KDM2A: variants seen among roughly 807,000 people sequenced by gnomAD.
KDM2A encodes the protein lysine demethylase 2A.
In KDM2A, 3 loss-of-function variants were observed where a neutral mutation model predicts 137.3. The ratio of observed to expected loss-of-function variants is 0.02; its 90% CI spans 0.01 to 0.06. The LOEUF is 0.06. Among genes scored for constraint, KDM2A ranks in the 10% least tolerant of loss-of-function variants. KDM2A has a pLI of 1.00. For synonymous variants in KDM2A, 512 were observed against 541.5 expected, an observed-to-expected ratio of 0.95 and a Z score of 0.76; for missense variants, 738 against 1,510.6, an observed-to-expected ratio of 0.49 and a Z score of 8.48.
At chr11:67,165,188 C>T (rs1226544812) in intron 2 of KDM2A, among the ~76,000 whole-genome samples, 1 of 151,752 alleles carries the variant, frequency 6.6e-6, no homozygotes, top group African/African-American at 2.4e-5. Context: ...GTGGCGCGAT[C>T]TTGGCTCACC....
Position 67,240,751 on chromosome 11 carries a change from T to G in KDM2A, c.1480-2258T>G, listed in dbSNP as rs116954528. Among the ~76,000 whole-genome samples, 797 of 152,260 alleles carry G rather than the reference T, an allele frequency of 5.2e-3. 4 individuals are homozygous for G. The highest frequency in any genetic ancestry group is 7.3e-3 in the Non-Finnish European group (498 of 68,002). The stretch of plus-strand genomic sequence containing the variant: ...CCCCCTCTAGTGAAGGGTGGTGGCT[T>G]CTTTATATGGTTTCTTGTAGGGCCT... On this transcript the variant is annotated intron_variant, in intron 12 of 20. Coordinates refer to ENST00000529006, the MANE Select transcript of KDM2A (RefSeq NM_012308.3).
At chr11:67,205,879 C>T (rs1279699850) in intron 5 of KDM2A, among the ~76,000 whole-genome samples, 1 of 152,152 alleles carries the variant, frequency 6.6e-6, no homozygotes, top group Non-Finnish European at 1.5e-5. Flanking sequence ...TGGAATTGTC[C>T]CTGTTGAATC....
At chr11:67,139,503 C>G (rs11227705) in intron 2 of KDM2A, among the ~76,000 whole-genome samples, 13,134 of 152,028 alleles carry the variant, frequency 0.086, 1,922 homozygotes, top group African/African-American at 0.3. Context: ...CCTCGGCCCC[C>G]CAAAGTGCTA....
At chr11:67,244,146 T>C (rs1438625661) in intron 13 of KDM2A, among the ~76,000 whole-genome samples, 1 of 152,232 alleles carries the variant, frequency 6.6e-6, no homozygotes. Flanking sequence ...TGGCCTCTGC[T>C]TGGCCACAGG....
chr11:67,209,907 A>C (rs1300035211), intron 6 of KDM2A, among the ~76,000 whole-genome samples: 1 of 152,150 alleles, frequency 6.6e-6, no homozygotes, highest in African/African-American at 2.4e-5. Context: ...CAAAATTTGG[A>C]AACTTAGCCA....
chr11:67,153,278 C>T (rs1254045373), intron 2 of KDM2A, among the ~76,000 whole-genome samples: 1 of 152,070 alleles, frequency 6.6e-6, no homozygotes, highest in Non-Finnish European at 1.5e-5. Context: ...GCCACTGCAC[C>T]CGGCTGGTGT....
intron 2 of KDM2A, among the ~76,000 whole-genome samples, chr11:67,123,207 C>A (rs776105012): frequency 5.3e-5 from 8 of 150,034 alleles, no homozygotes; most frequent in African/African-American, 4.9e-5. Context: ...AACTCCTGGC[C>A]TCAAGCGATC....
At chr11:67,218,023 A>G in intron 9 of KDM2A, 139 bp downstream of exon 9, 1 of 780,970 alleles carries the variant, frequency 1.3e-6, no homozygotes, top group Non-Finnish European at 2.0e-6. Context: ...ATTATGGAAT[A>G]GATGCTGAGG....
intron 2 of KDM2A, among the ~76,000 whole-genome samples, chr11:67,179,108 G>T (rs1246158279): frequency 6.6e-6 from 1 of 152,090 alleles, no homozygotes; most frequent in Non-Finnish European, 1.5e-5. Context: ...GTATAAAGTG[G>T]TATTTCATTG....
chr11:67,208,709 T>G (rs1857887855), intron 6 of KDM2A, among the ~76,000 whole-genome samples: 1 of 148,160 alleles, frequency 6.7e-6, no homozygotes, highest in Non-Finnish European at 1.5e-5. Context: ...AGGCAGAGGT[T>G]GCAGTGAGCT....
intron 10 of KDM2A, among the ~76,000 whole-genome samples, chr11:67,221,545 G>A (rs898393620): frequency 3.3e-5 from 5 of 152,116 alleles, no homozygotes; most frequent in African/African-American, 7.2e-5. Flanking sequence ...TAGGAGTTAC[G>A]TATCACTATA....
At chr11:67,153,826 A>C (rs534779684) in intron 2 of KDM2A, among the ~76,000 whole-genome samples, 121 of 152,010 alleles carry the variant, frequency 8.0e-4, no homozygotes, top group Non-Finnish European at 1.3e-3. Context: ...AAAAAAAAAA[A>C]AAAACACCAA....
At chr11:67,204,080 C>T (rs752415018) in intron 5 of KDM2A, among the ~76,000 whole-genome samples, 11 of 152,076 alleles carry the variant, frequency 7.2e-5, no homozygotes, top group Non-Finnish European at 1.3e-4. Context: ...AGATTACAGG[C>T]GTGAGTCACC....
chr11:67,126,106 C>T (rs1423583775), intron 2 of KDM2A, among the ~76,000 whole-genome samples: 3 of 148,424 alleles, frequency 2.0e-5, no homozygotes, highest in East Asian at 2.1e-4. Context: ...ATTAGCCGAA[C>T]GTGGTGACGC....
intron 2 of KDM2A, among the ~76,000 whole-genome samples, chr11:67,139,407 G>C (rs1856044069): frequency 6.6e-6 from 1 of 152,012 alleles, no homozygotes; most frequent in Non-Finnish European, 1.5e-5. Flanking sequence ...ACCACGCCCA[G>C]CACATTTTTG....
chr11:67,181,444 T>G, intron 4 of KDM2A, 46 bp downstream of exon 4: 1 of 1,306,682 alleles, frequency 7.7e-7, no homozygotes, highest in Non-Finnish European at 1.1e-6. Context: ...AATGGCCTCG[T>G]TACACCCAGG....
At chr11:67,140,632 A>C (rs1286060092) in intron 2 of KDM2A, among the ~76,000 whole-genome samples, 1 of 152,108 alleles carries the variant, frequency 6.6e-6, no homozygotes, top group Non-Finnish European at 1.5e-5. Flanking sequence ...AGGCGCCTGT[A>C]ATCCCAGCTA....
chr11:67,133,042 G>A (rs1257605918), intron 2 of KDM2A, among the ~76,000 whole-genome samples: 1 of 152,176 alleles, frequency 6.6e-6, no homozygotes, highest in South Asian at 2.1e-4. Context: ...CTTAATTGGG[G>A]ATGTTGAGCC....
intron 5 of KDM2A, among the ~76,000 whole-genome samples, chr11:67,201,960 A>T (rs1045315918): frequency 1.3e-5 from 2 of 151,936 alleles, no homozygotes; most frequent in African/African-American, 4.8e-5. Context: ...GTCTCTAAAA[A>T]AAATAATTAA....
Sources: allele counts gnomAD v4.1 joint callset (sites outside exome capture counted in the v4.1 genomes callset), GRCh38; gene constraint gnomAD v4.1.1; transcripts MANE v1.5; gene names NCBI Gene and HGNC (gene_info 2026-07-23, HGNC 2026-07-21).